The following HSD17B4 variants were observed in gnomAD, a reference collection of about 807,000 sequenced individuals.
HSD17B4 encodes hydroxysteroid 17-beta dehydrogenase 4, also known as peroxisomal multifunctional enzyme type 2.
In HSD17B4, 70 loss-of-function variants were observed where a neutral mutation model predicts 101.0. That is an observed-to-expected ratio of 0.69 (90% CI 0.57 to 0.85). The LOEUF (loss-of-function observed/expected upper bound fraction) is 0.85, where lower values mean the gene tolerates loss of function less well. Among genes scored for constraint, HSD17B4 ranks in the 40% least tolerant of loss-of-function variants. HSD17B4 has a pLI of 0.00. For missense variants in HSD17B4, 984 were observed against 892.4 expected, an observed-to-expected ratio of 1.10 and a Z score of -1.31; for synonymous variants, 347 against 297.1, an observed-to-expected ratio of 1.17 and a Z score of -1.73.
chr5:119,470,488 C>A (rs1756256404), intron 2 of HSD17B4, among the ~76,000 whole-genome samples: 1 of 152,132 alleles, frequency 6.6e-6, no homozygotes, highest in Non-Finnish European at 1.5e-5. Context: ...TGTGTATACT[C>A]CAGGCAGGTT....
At chr5:119,492,555 T>C in intron 10 of HSD17B4, 1 of 169,278 alleles carries the variant, frequency 5.9e-6, no homozygotes, top group South Asian at 1.5e-4. Flanking sequence ...TTTTCCCATG[T>C]AATTATTTTC....
At chr5:119,496,496 A>T (rs1561460799) in intron 11 of HSD17B4, 47 bp from the exon 12 acceptor site, 1 of 1,001,438 alleles carries the variant, frequency 1.0e-6, no homozygotes, top group South Asian at 1.3e-5. Flanking sequence ...TCTTAGTCAC[A>T]TCTTTAACAA....
chr5:119,468,967 G>A (rs1380310679), intron 2 of HSD17B4, among the ~76,000 whole-genome samples: 3 of 148,870 alleles, frequency 2.0e-5, no homozygotes, highest in Non-Finnish European at 4.5e-5. Flanking sequence ...CCTATCAGTT[G>A]GGCAATGTGC....
rs2126780594 is a variant in HSD17B4, at chr5:119,499,325, T to C, written c.981T>C (p.Ala327=). Reference sequence around the variant, plus strand: ...TTTAAAACTGTTCTTAGGCTGGAGCTATTGGCCAGAAACTCCCTCCATTTT... The same window carrying C: ...TTTAAAACTGTTCTTAGGCTGGAGCCATTGGCCAGAAACTCCCTCCATTTT... ...TSTATSGFAG[A]IGQKLPPFSY... Residue 327 remains alanine (A), a synonymous_variant, in exon 13 of 24, where the codon GCT becomes GCC. Coordinates refer to ENST00000510025, the MANE Select transcript of HSD17B4 (RefSeq NM_000414.4). 6.2e-7 allele frequency: 1 copy of C among 1,608,796 alleles called. No homozygotes were observed. The highest frequency in any genetic ancestry group is 8.5e-7 in the Non-Finnish European group (1 of 1,175,160).
At chr5:119,532,692 T>G (rs1252798407) in intron 22 of HSD17B4, among the ~76,000 whole-genome samples, 1 of 152,080 alleles carries the variant, frequency 6.6e-6, no homozygotes, top group African/African-American at 2.4e-5. Context: ...AATCCTATTT[T>G]ATTGTTCTAA....
chr5:119,527,733 G>C (rs981189195), intron 20 of HSD17B4, among the ~76,000 whole-genome samples: 2 of 152,086 alleles, frequency 1.3e-5, no homozygotes, highest in Non-Finnish European at 2.9e-5. Context: ...CAGAGTTAGA[G>C]ACAAAATTAG....
At chr5:119,471,568 C>T in intron 2 of HSD17B4, 3 of 618,608 alleles carry the variant, frequency 4.8e-6, no homozygotes, top group Non-Finnish European at 7.3e-6. Context: ...TTGTGTTAAT[C>T]ATAACTATTA....
In HSD17B4 at chr5:119,509,239, G is replaced by T. The variant is rs772553851; in HGVS notation, c.1432G>T (p.Val478Phe). ...TGGTGGAAAACGGACATCAGACAAA[G>T]TCAAGGTAAGCCATGACTTTGTAAG... ...GFGGKRTSDK[V>F]KVAVAIPNRP... The change falls in exon 16 of 24, where the codon GTC (valine) becomes TTC (phenylalanine). Residue 478 changes from valine (V) to phenylalanine (F), a missense_variant. Transcript: ENST00000510025. 1.3e-6 allele frequency: 2 copies of T among 1,579,532 alleles called. No homozygotes were observed. Among genetic ancestry groups the T allele is most frequent in the South Asian group, 1.1e-5 (1 of 90,410 alleles).
intron 17 of HSD17B4, 107 bp from the exon 18 acceptor site, chr5:119,525,109 C>A: frequency 1.4e-6 from 1 of 731,460 alleles, no homozygotes; most frequent in Non-Finnish European, 2.5e-6. Context: ...GCCTCAGGTA[C>A]ATTATGATAC....
Position 119,467,726 on chromosome 5 carries a change from G to A in HSD17B4, c.113-6182G>A, listed in dbSNP as rs191545090. On this transcript the variant is annotated intron_variant, in intron 2 of 23. Coordinates refer to ENST00000510025, the MANE Select transcript of HSD17B4 (RefSeq NM_000414.4). ...AGGATATGAAATTTGCATATATGGA[G>A]GGCCTACTTTTTGTATACGTGGGTT... 1.7e-3 allele frequency among the ~76,000 whole-genome samples: 265 copies of A among 152,282 alleles called. 5 individuals carry two copies. In the South Asian group the frequency reaches 0.048, roughly 28 times the overall value.
chr5:119,505,734 A>AT (rs527906126), intron 14 of HSD17B4, among the ~76,000 whole-genome samples: 3,253 of 144,786 alleles, frequency 0.022, 60 homozygotes, highest in African/African-American at 0.05. Context: ...ATGTCTTAAC[A>AT]TTTTTTTTTT....
At chr5:119,465,429 T>C (rs1443533626) in intron 2 of HSD17B4, among the ~76,000 whole-genome samples, 1 of 152,214 alleles carries the variant, frequency 6.6e-6, no homozygotes, top group African/African-American at 2.4e-5. Context: ...CTTCTCTCTC[T>C]TGCTGCCACT....
rs1750944517 is a variant in HSD17B4 at position 119,499,380 on chromosome 5, A to G, written c.1036A>G (p.Met346Val). 6.2e-7 allele frequency: 1 copy of G among 1,613,836 alleles called. No homozygotes were observed. The highest frequency in any genetic ancestry group is 1.3e-5 in the African/African-American group (1 of 74,930). The change falls in exon 13 of 24, where the codon ATG becomes GTG. Residue 346 changes from methionine (M) to valine (V), a missense_variant. Transcript: ENST00000510025. ...TGCTTATACGGAACTGGAAGCTATT[A>G]TGTATGCCCTTGGAGTGGGAGCGTC... Reference protein sequence around the residue: ...SYAYTELEAIMYALGVGASIK... With the variant: ...SYAYTELEAIVYALGVGASIK...
chr5:119,479,552 A>T (rs1000036445), intron 8 of HSD17B4, among the ~76,000 whole-genome samples: 2 of 152,168 alleles, frequency 1.3e-5, no homozygotes, highest in Admixed American at 1.3e-4. Context: ...TCACAAATGC[A>T]TAAAGTTATG....
chr5:119,527,937 G>A (rs1753748871), intron 20 of HSD17B4, among the ~76,000 whole-genome samples: 1 of 152,094 alleles, frequency 6.6e-6, no homozygotes, highest in African/African-American at 2.4e-5. Context: ...AAAAGGACAT[G>A]CAATCATTGT....
chr5:119,466,980 AT>A (rs1405258192), intron 2 of HSD17B4, among the ~76,000 whole-genome samples: 1 of 151,358 alleles, frequency 6.6e-6, no homozygotes, highest in Non-Finnish European at 1.5e-5. Flanking sequence ...TTGTGTTTTT[AT>A]TTTCATTTGT....
At chr5:119,516,773 G>A (rs1752648370) in intron 17 of HSD17B4, among the ~76,000 whole-genome samples, 1 of 152,212 alleles carries the variant, frequency 6.6e-6, no homozygotes, top group African/African-American at 2.4e-5. Context: ...AGGAAGGGAA[G>A]GAACACTTGG....
chr5:119,495,674 TA>T (rs1750573338), intron 11 of HSD17B4: 1 of 168,692 alleles, frequency 5.9e-6, no homozygotes, highest in Admixed American at 6.1e-5. Flanking sequence ...TTTGGTTATT[TA>T]TTTATTTATT....
intron 14 of HSD17B4, 60 bp from the exon 15 acceptor site, chr5:119,506,758 A>G (rs1208594779): frequency 4.7e-5 from 44 of 936,560 alleles, no homozygotes; most frequent in Non-Finnish European, 7.6e-5. Context: ...ATTCTTTCAC[A>G]TCTTATTATA....
Sources: allele counts gnomAD v4.1 joint callset (sites outside exome capture counted in the v4.1 genomes callset), GRCh38; gene constraint gnomAD v4.1.1; transcripts MANE v1.5; gene names NCBI Gene and HGNC (gene_info 2026-07-23, HGNC 2026-07-21).